The following EIF4EBP2 variants were observed in gnomAD, a reference collection of about 807,000 sequenced individuals.
EIF4EBP2 encodes eukaryotic translation initiation factor 4E-binding protein 2.
In EIF4EBP2, 5 loss-of-function variants were observed where a neutral mutation model predicts 10.3. That is an observed-to-expected ratio of 0.48 (90% confidence interval 0.25 to 1.02). EIF4EBP2 has a LOEUF of 1.02. Ranked by LOEUF, EIF4EBP2 falls within the 50% of genes least tolerant of loss-of-function variation. The pLI is 0.15. For synonymous variants in EIF4EBP2, 67 were observed against 61.1 expected, an observed-to-expected ratio of 1.10 and a Z score of -0.45; for missense variants, 188 against 162.2, an observed-to-expected ratio of 1.16 and a Z score of -0.86.
chr10:70,407,474 C>A (rs1015827846), intron 1 of EIF4EBP2, among the ~76,000 whole-genome samples: 4 of 152,056 alleles, frequency 2.6e-5, no homozygotes, highest in Non-Finnish European at 4.4e-5. Context: ...AAGAATTTTT[C>A]TTAGTACAGA....
At chr10:70,409,403 G>T (rs1389860789) in intron 1 of EIF4EBP2, among the ~76,000 whole-genome samples, 3 of 152,112 alleles carry the variant, frequency 2.0e-5, no homozygotes, top group Non-Finnish European at 2.9e-5. Context: ...AGTTACTATA[G>T]TTGGCTCCAC....
At chr10:70,421,640 T>G in intron 2 of EIF4EBP2, 76 bp from the exon 3 acceptor site, 1 of 1,319,220 alleles carries the variant, frequency 7.6e-7, no homozygotes, top group Non-Finnish European at 1.1e-6. Context: ...GTCTCTCATT[T>G]AGAGGGAATG....
intron 1 of EIF4EBP2, among the ~76,000 whole-genome samples, chr10:70,413,820 T>A (rs75701087): frequency 0.013 from 2,004 of 152,276 alleles, 38 homozygotes; most frequent in African/African-American, 0.046. Context: ...AAATTGTTTT[T>A]TAATTTTTGT....
At chr10:70,420,122 G>C in intron 2 of EIF4EBP2, 23 bp downstream of exon 2, 1 of 1,563,010 alleles carries the variant, frequency 6.4e-7, no homozygotes, top group South Asian at 1.2e-5. Flanking sequence ...CGATGTTGGA[G>C]ACCTAGAGCG....
In EIF4EBP2 at chr10:70,406,928, C is replaced by T. The variant is rs565235997; in HGVS notation, c.145+2382C>T. Among the ~76,000 whole-genome samples the T allele has an allele frequency of 3.3e-5, 5 of 152,244 alleles. No individual in the cohort carries two copies. The East Asian group carries it at 9.6e-4, about 29-fold the overall frequency. Reference sequence around the variant, plus strand: ...TTATTTATTTTTGGAGACGGAGTTTCGCTCTGTAGCCTAGGCTGGAGTGCA... The same window carrying T: ...TTATTTATTTTTGGAGACGGAGTTTTGCTCTGTAGCCTAGGCTGGAGTGCA... On this transcript the variant is annotated intron_variant, in intron 1 of 2. Transcript: ENST00000373218.
At chr10:70,418,303 A>T (rs117221437) in intron 1 of EIF4EBP2, among the ~76,000 whole-genome samples, 1 of 152,232 alleles carries the variant, frequency 6.6e-6, no homozygotes, top group Non-Finnish European at 1.5e-5. Context: ...AGCCTCCAGA[A>T]CTATGAGACA....
chr10:70,406,694 G>T lies in EIF4EBP2; in HGVS notation c.145+2148G>T, dbSNP rs556829371. 4.6e-5 allele frequency among the ~76,000 whole-genome samples: 7 copies of T among 152,314 alleles called. No homozygotes were observed. The South Asian group carries it at 6.2e-4, about 14-fold the overall frequency. On this transcript the variant is annotated intron_variant, in intron 1 of 2. Transcript: ENST00000373218. Reference sequence around the variant, plus strand: ...TTAGTTCTTAAAGTGCTTGCAAAGAGTCTGCCAGAAATACTAATTCATTAC... The same window carrying T: ...TTAGTTCTTAAAGTGCTTGCAAAGATTCTGCCAGAAATACTAATTCATTAC...
chr10:70,405,211 G>C (rs1401642340), intron 1 of EIF4EBP2, among the ~76,000 whole-genome samples: 1 of 152,160 alleles, frequency 6.6e-6, no homozygotes, highest in Non-Finnish European at 1.5e-5. Context: ...GGTGCTGACA[G>C]CCTTAAGGTA....
intron 1 of EIF4EBP2, among the ~76,000 whole-genome samples, chr10:70,413,390 C>G (rs1845063190): frequency 6.6e-6 from 1 of 152,046 alleles, no homozygotes; most frequent in Non-Finnish European, 1.5e-5. Flanking sequence ...CTTTGTGAGG[C>G]CAAGGCAGGA....
At position 70,404,251 on chromosome 10, in the gene EIF4EBP2, C is replaced by G. The variant is rs868674604; in HGVS notation, c.-151C>G. ...GCGGCGGCGGCGGCTGAGAGGGCGG[C>G]GGCGGGAGCGGAGCGGGACGAGGGA... On this transcript the variant is annotated 5_prime_UTR_variant, in exon 1 of 3. Coordinates refer to ENST00000373218, the MANE Select transcript of EIF4EBP2 (RefSeq NM_004096.5). 1.9e-5 allele frequency: 19 copies of G among 991,646 alleles called. No individual in the cohort carries two copies. In the African/African-American group the frequency reaches 2.2e-4, roughly 12 times the overall value. 61.4% of individuals were successfully genotyped at this position (991,646 alleles called of 1,614,324 possible).
intron 1 of EIF4EBP2, among the ~76,000 whole-genome samples, chr10:70,406,060 C>T (rs983643164): frequency 2.0e-5 from 3 of 152,148 alleles, no homozygotes; most frequent in African/African-American, 7.2e-5. Context: ...CGGCTCACTG[C>T]ACTCTCTACT....
chr10:70,409,490 TTAAG>T (rs1845019899), intron 1 of EIF4EBP2, among the ~76,000 whole-genome samples: 1 of 152,292 alleles, frequency 6.6e-6, no homozygotes, highest in East Asian at 1.9e-4. Context: ...CCCAGAGAAG[TTAAG>T]TAACTTGTTA....
rs143507196 is a variant in EIF4EBP2 at position 70,413,825 on chromosome 10, T to G, written c.146-6089T>G. On this transcript the variant is annotated intron_variant, in intron 1 of 2. Coordinates refer to ENST00000373218, the MANE Select transcript of EIF4EBP2 (RefSeq NM_004096.5). ...AAGGAATGGAAAATTGTTTTTTAAT[T>G]TTTGTAACACTCCATCAATTGATCA... Among the ~76,000 whole-genome samples the G allele has an allele frequency of 8.8e-4, 134 of 152,292 alleles. 2 individuals carry two copies. The East Asian group carries it at 0.021, about 24-fold the overall frequency.
At chr10:70,414,127 G>T (rs1845069709) in intron 1 of EIF4EBP2, among the ~76,000 whole-genome samples, 1 of 152,100 alleles carries the variant, frequency 6.6e-6, no homozygotes, top group South Asian at 2.1e-4. Flanking sequence ...ATTGATGTAA[G>T]TTTATAGTAA....
chr10:70,427,113 T>G lies in EIF4EBP2; in HGVS notation c.*5366T>G, dbSNP rs1845212301. 1 of 152,236 alleles carries G rather than the reference T, an allele frequency of 6.6e-6. No individual in the cohort carries two copies. Among genetic ancestry groups the G allele is most frequent in the African/African-American group, 2.4e-5 (1 of 41,470 alleles). 9.4% of individuals were successfully genotyped at this position (152,236 alleles called of 1,614,324 possible). On this transcript the variant is annotated 3_prime_UTR_variant, in exon 3 of 3. Coordinates refer to ENST00000373218, the MANE Select transcript of EIF4EBP2 (RefSeq NM_004096.5). ...GCGAGGAAGCCACACTGCCTTTCTG[T>G]GTCTGGTTCAGAGCTCTTCCTTCTT... is the stretch of plus-strand genomic sequence containing the variant.
At chr10:70,421,569 A>G (rs1171300066) in intron 2 of EIF4EBP2, 147 bp from the exon 3 acceptor site, 5 of 713,324 alleles carry the variant, frequency 7.0e-6, no homozygotes, top group African/African-American at 5.3e-5. Context: ...AAGACCAGCC[A>G]AAGCAAAGCA....
chr10:70,404,670 C>T (rs1844950076), intron 1 of EIF4EBP2, 124 bp downstream of exon 1: 5 of 1,274,252 alleles, frequency 3.9e-6, no homozygotes, highest in African/African-American at 1.6e-5. Context: ...GGGACGCTGC[C>T]CTTGGGCCCG....
chr10:70,408,715 G>A (rs919573164), intron 1 of EIF4EBP2, among the ~76,000 whole-genome samples: 4 of 152,124 alleles, frequency 2.6e-5, no homozygotes, highest in African/African-American at 4.8e-5. Context: ...GGAGTGGTTC[G>A]CACAAAAGGG....
rs369796060 is a variant in EIF4EBP2, at chr10:70,422,317, C to G, written c.*570C>G. Reference sequence around the variant, plus strand: ...TCCCTTTTACCTTGAGGTATTCGTCCCTCGGGACAGAGCACAGCTTGTGCA... The same window carrying G: ...TCCCTTTTACCTTGAGGTATTCGTCGCTCGGGACAGAGCACAGCTTGTGCA... On this transcript the variant is annotated 3_prime_UTR_variant, in exon 3 of 3. Transcript: ENST00000373218. The G allele has an allele frequency of 2.0e-5, 3 of 152,674 alleles. No homozygotes were observed. Among genetic ancestry groups the G allele is most frequent in the East Asian group, 3.9e-4 (2 of 5,186 alleles). 9.5% of individuals were successfully genotyped at this position (152,674 alleles called of 1,614,324 possible).
Sources: allele counts gnomAD v4.1 joint callset (sites outside exome capture counted in the v4.1 genomes callset), GRCh38; gene constraint gnomAD v4.1.1; transcripts MANE v1.5; gene names NCBI Gene and HGNC (gene_info 2026-07-23, HGNC 2026-07-21).